Variants in GLYATL2 observed in about 807,000 individuals in gnomAD.
GLYATL2 encodes the protein glycine-N-acyltransferase like 2.
GLYATL2 carries 25 observed loss-of-function variants against 21.4 expected under a neutral mutation model. The ratio of observed to expected loss-of-function variants is 1.17; its 90% CI spans 0.85 to 1.63. The LOEUF (loss-of-function observed/expected upper bound fraction) is 1.63, where lower values mean the gene tolerates loss of function less well. GLYATL2 is among the 40% of genes most tolerant of loss of function. The pLI is 0.00. For missense variants in GLYATL2, 361 were observed against 343.3 expected (o/e 1.05, Z -0.41); for synonymous variants, 114 against 118.2 (o/e 0.96, Z 0.23).
At chr11:58,843,871 T>C (rs1174060182) in intron 1 of GLYATL2, among the ~76,000 whole-genome samples, 2 of 152,130 alleles carry the variant, frequency 1.3e-5, no homozygotes, top group African/African-American at 2.4e-5. Context: ...AAGAAGGGAA[T>C]GGGAGTTTCA....
intron 1 of GLYATL2, among the ~76,000 whole-genome samples, chr11:58,872,453 A>T (rs1048071062): frequency 6.6e-6 from 1 of 152,134 alleles, no homozygotes; most frequent in Non-Finnish European, 1.5e-5. Context: ...TCTTGAATTG[A>T]TTTTTGTATA....
At chr11:58,839,207 A>C (rs1426020829) in intron 2 of GLYATL2, among the ~76,000 whole-genome samples, 1 of 152,174 alleles carries the variant, frequency 6.6e-6, no homozygotes, top group Non-Finnish European at 1.5e-5. Context: ...CCAGGGAGTG[A>C]TATGACCCTA....
intron 1 of GLYATL2, among the ~76,000 whole-genome samples, chr11:58,872,692 G>A (rs1854147256): frequency 6.6e-6 from 1 of 152,224 alleles, no homozygotes; most frequent in South Asian, 2.1e-4. Context: ...CTGTAGCCTT[G>A]TAGTATAGTT....
At chr11:58,873,340 A>G (rs7946506) in intron 1 of GLYATL2, among the ~76,000 whole-genome samples, 134,477 of 151,830 alleles carry the variant, frequency 0.89, 60,772 homozygotes, top group Non-Finnish European at 0.98. Flanking sequence ...GGAGTGGTGA[A>G]AGAGGGCATC....
intron 2 of GLYATL2, 52 bp downstream of exon 2, chr11:58,839,483 C>G: frequency 1.3e-5 from 14 of 1,104,492 alleles, no homozygotes; most frequent in Non-Finnish European, 1.8e-5. Context: ...CTGAATCTGT[C>G]CTCCTCTCAA....
chr11:58,866,717 C>T lies in GLYATL2; in HGVS notation n.61-28349G>A, dbSNP rs1164563208. ...GGTCAGTTCCCTGTTGAACAGAGAT[C>T]GATCAGGAATGTACTACTACACAGA... On this transcript the variant is annotated intron_variant and non_coding_transcript_variant, in intron 1 of 4. Coordinates refer to the GLYATL2 transcript ENST00000533636. 1.1e-4 allele frequency among the ~76,000 whole-genome samples: 17 copies of T among 149,020 alleles called. 2 individuals carry two copies. The highest frequency in any genetic ancestry group is 4.3e-4 in the South Asian group (2 of 4,668).
In GLYATL2 at chr11:58,891,039, G is replaced by A. The variant is rs566144355; in HGVS notation, n.60+13117C>T. Among the ~76,000 whole-genome samples, 76 of 151,328 alleles carry A rather than the reference G, an allele frequency of 5.0e-4. 1 individual carries two copies. Among genetic ancestry groups the A allele is most frequent in the Middle Eastern group, 3.4e-3 (1 of 290 alleles). On this transcript the variant is annotated intron_variant and non_coding_transcript_variant, in intron 1 of 4. Transcript: ENST00000533636. ...TTTGAATATTTACTTGGCCATTTTC[G>A]GTCACTCCTTTAAAATTGAGTCTTT...
chr11:58,838,164 T>C (rs1296476579), intron 3 of GLYATL2, 97 bp downstream of exon 3: 100 of 763,264 alleles, frequency 1.3e-4, no homozygotes, highest in Middle Eastern at 2.4e-4. Flanking sequence ...ACAGTGTCAA[T>C]GTTCTTCTCA....
rs149684938 is a variant in GLYATL2, at chr11:58,882,953, C to T, written n.60+21203G>A. Reference sequence around the variant, plus strand: ...TTTTGGTGCCATGCTGTTTTGGTTACTGTAGCCTTGTAGTATAGTTTGAAG... The same window carrying T: ...TTTTGGTGCCATGCTGTTTTGGTTATTGTAGCCTTGTAGTATAGTTTGAAG... On this transcript the variant is annotated intron_variant and non_coding_transcript_variant, in intron 1 of 4. Coordinates refer to the GLYATL2 transcript ENST00000533636. 2.2e-3 allele frequency among the ~76,000 whole-genome samples: 330 copies of T among 152,330 alleles called. 4 individuals carry two copies. Among genetic ancestry groups the T allele is most frequent in the South Asian group, 0.016 (77 of 4,826 alleles).
intron 1 of GLYATL2, among the ~76,000 whole-genome samples, chr11:58,852,558 A>C (rs1853760087): frequency 6.6e-6 from 1 of 152,216 alleles, no homozygotes; most frequent in South Asian, 2.1e-4. Context: ...TTTATGGAGC[A>C]GGAAATTGAG....
the GLYATL2 span, among the ~76,000 whole-genome samples, chr11:58,909,347 T>A: frequency 4.6e-5 from 7 of 152,330 alleles, no homozygotes; most frequent in East Asian, 1.2e-3. Context: ...CAATATTGTA[T>A]ACTTAAATTA....
At chr11:58,905,638 G>C (rs1297007583), upstream of GLYATL2, 1 of 456,042 alleles carries the variant, frequency 2.2e-6, no homozygotes, top group Admixed American at 2.4e-5. Context: ...AAGAAGCAGG[G>C]CAGTGACTGC....
At chr11:58,856,550 A>T (rs931383552) in intron 1 of GLYATL2, among the ~76,000 whole-genome samples, 1 of 152,156 alleles carries the variant, frequency 6.6e-6, no homozygotes, top group African/African-American at 2.4e-5. Flanking sequence ...AAAATGAAAG[A>T]CTCATGACTC....
intron 1 of GLYATL2, among the ~76,000 whole-genome samples, chr11:58,881,513 G>A (rs1256842674): frequency 2.6e-5 from 4 of 152,010 alleles, no homozygotes; most frequent in Non-Finnish European, 4.4e-5. Context: ...GAAATATTTG[G>A]CCCTAAGAAA....
chr11:58,869,698 T>C (rs1854083605), intron 1 of GLYATL2, among the ~76,000 whole-genome samples: 1 of 152,186 alleles, frequency 6.6e-6, no homozygotes, highest in Non-Finnish European at 1.5e-5. Context: ...ATTAAGTAAA[T>C]AAGTACAAAG....
intron 1 of GLYATL2, among the ~76,000 whole-genome samples, chr11:58,900,512 A>T (rs566908448): frequency 6.6e-6 from 1 of 152,284 alleles, no homozygotes; most frequent in South Asian, 2.1e-4. Flanking sequence ...CGCTGTCAGC[A>T]CCAGAAATAC....
At chr11:58,864,485 A>G (rs1428322895) in intron 1 of GLYATL2, among the ~76,000 whole-genome samples, 2 of 149,044 alleles carry the variant, frequency 1.3e-5, no homozygotes, top group Admixed American at 6.9e-5. Flanking sequence ...GGGCATACCT[A>G]TTACTGTATT....
In GLYATL2 at chr11:58,864,661, GCT is replaced by G. The variant is rs1158767560; in HGVS notation, n.61-26295_61-26294del. Among the ~76,000 whole-genome samples the G allele has an allele frequency of 6.7e-5, 10 of 149,078 alleles. 1 individual carries two copies. The highest frequency in any genetic ancestry group is 4.8e-4 in the Admixed American group (7 of 14,544). On this transcript the variant is annotated intron_variant and non_coding_transcript_variant, in intron 1 of 4. Transcript: ENST00000533636. ...GGTAATGTAAACTTGTTCTTCCTAT[GCT>G]CTTCAATTCATCTTTTCTTATTTCT...
At chr11:58,839,296 C>T (rs1853501272) in intron 2 of GLYATL2, among the ~76,000 whole-genome samples, 1 of 151,952 alleles carries the variant, frequency 6.6e-6, no homozygotes, top group African/African-American at 2.4e-5. Flanking sequence ...ATTGCAATTA[C>T]CTGGAAGAGA....
Sources: allele counts gnomAD v4.1 joint callset (sites outside exome capture counted in the v4.1 genomes callset), GRCh38; gene constraint gnomAD v4.1.1; transcripts MANE v1.5; gene names NCBI Gene and HGNC (gene_info 2026-07-23, HGNC 2026-07-21).